The following NRP1 variants were observed in gnomAD, a reference collection of about 807,000 sequenced individuals.
The protein encoded by NRP1 is neuropilin 1, also known as neuropilin-1.
NRP1 carries 35 observed loss-of-function variants against 106.7 expected under a neutral mutation model. The observed-to-expected ratio is 0.33, with a 90% CI of 0.25 to 0.43. NRP1 has a LOEUF of 0.43. Among genes scored for constraint, NRP1 ranks in the 20% least tolerant of loss-of-function variants. NRP1 has a pLI of 1.00. For missense variants in NRP1, 1,024 were observed against 1,170.4 expected, an observed-to-expected ratio of 0.87 and a Z score of 1.83; for synonymous variants, 437 against 417.9, an observed-to-expected ratio of 1.05 and a Z score of -0.56.
intron 2 of NRP1, among the ~76,000 whole-genome samples, chr10:33,298,116 T>C (rs1727438499): frequency 6.6e-6 from 1 of 152,158 alleles, no homozygotes; most frequent in Admixed American, 6.5e-5. Flanking sequence ...TCTGGAAATA[T>C]TTTTTCAGTT....
intron 8 of NRP1, among the ~76,000 whole-genome samples, chr10:33,214,200 A>G (rs1415785962): frequency 6.6e-6 from 1 of 152,162 alleles, no homozygotes; most frequent in Admixed American, 6.5e-5. Context: ...AGGACCTCCC[A>G]GGGGAGGTGG....
chr10:33,332,076 T>C (rs1240696425), intron 1 of NRP1, among the ~76,000 whole-genome samples: 1 of 152,016 alleles, frequency 6.6e-6, no homozygotes, highest in Non-Finnish European at 1.5e-5. Context: ...CAAATGGAAA[T>C]GAAAGATGAA....
At chr10:33,208,843 A>G (rs937529807) in intron 9 of NRP1, among the ~76,000 whole-genome samples, 3 of 151,918 alleles carry the variant, frequency 2.0e-5, no homozygotes, top group Non-Finnish European at 4.4e-5. Context: ...CTTTCCACTG[A>G]AAAAAATCTC....
rs190246621 is a variant in NRP1 at position 33,215,242 on chromosome 10, C to G, written c.1283-1525G>C. ...CTCATCATTGCCTTTGCTCAAAACCCAGCTTAAGACTCATGAAGAGAACTT... is the reference window on the plus strand; with the variant it reads ...CTCATCATTGCCTTTGCTCAAAACCGAGCTTAAGACTCATGAAGAGAACTT... On this transcript the variant is annotated intron_variant, in intron 8 of 16. Coordinates refer to ENST00000374867, the MANE Select transcript of NRP1 (RefSeq NM_003873.7). Among the ~76,000 whole-genome samples, 8 of 152,158 alleles carry G rather than the reference C, an allele frequency of 5.3e-5. No homozygotes were observed. In the East Asian group the frequency reaches 1.5e-3, roughly 29 times the overall value.
At chr10:33,284,033 G>A (rs1262355229) in intron 2 of NRP1, among the ~76,000 whole-genome samples, 3 of 152,144 alleles carry the variant, frequency 2.0e-5, no homozygotes, top group African/African-American at 2.4e-5. Context: ...AAAGTAAAAC[G>A]TGGCATAAAG....
chr10:33,230,236 C>T (rs1840000687), intron 6 of NRP1, among the ~76,000 whole-genome samples: 1 of 152,170 alleles, frequency 6.6e-6, no homozygotes, highest in South Asian at 2.1e-4. Context: ...TAAAGTCCTG[C>T]TCAATAAGCA....
chr10:33,309,893 A>G (rs1198961231), intron 2 of NRP1, among the ~76,000 whole-genome samples: 1 of 151,038 alleles, frequency 6.6e-6, no homozygotes, highest in Non-Finnish European at 1.5e-5. Context: ...TCTACCTGCA[A>G]TGTTTAAAAG....
At position 33,334,530 on chromosome 10, in the gene NRP1, C is replaced by A; in HGVS notation, c.-148G>T. 1.5e-6 allele frequency: 1 copy of A among 648,726 alleles called. No homozygotes were observed. The highest frequency in any genetic ancestry group is 2.6e-6 in the Non-Finnish European group (1 of 388,070). The allele number at this position is 648,726 out of a possible 1,614,324, so 40.2% of individuals were successfully genotyped here. A position where few individuals can be genotyped will look rare whatever the true frequency, so the allele number is the denominator to read the frequency against. Reference sequence around the variant, plus strand: ...GCCCGTCTTGGAGAAAAGAAAGCAGCGAGGCAATGCCTGGATCCGAGAGGA... The same window carrying A: ...GCCCGTCTTGGAGAAAAGAAAGCAGAGAGGCAATGCCTGGATCCGAGAGGA... On this transcript the variant is annotated 5_prime_UTR_variant, in exon 1 of 17. Coordinates refer to ENST00000374867, the MANE Select transcript of NRP1 (RefSeq NM_003873.7).
rs1835530068 is a variant in NRP1 at position 33,179,190 on chromosome 10, G to A, written c.*886C>T. 1 of 152,672 alleles carries A rather than the reference G, an allele frequency of 6.5e-6. No homozygotes were observed. Among genetic ancestry groups the A allele is most frequent in the Non-Finnish European group, 1.5e-5 (1 of 68,052 alleles). The allele number at this position is 152,672 out of a possible 1,614,324, so 9.5% of individuals were successfully genotyped here. On this transcript the variant is annotated 3_prime_UTR_variant, in exon 17 of 17. Coordinates refer to ENST00000374867, the MANE Select transcript of NRP1 (RefSeq NM_003873.7). ...TCAGAGCCCTTGCCTGCCCGGAGGG[G>A]CTGGCATCTCACACGAAAATAAACT...
chr10:33,285,461 T>C (rs952937199), intron 2 of NRP1, among the ~76,000 whole-genome samples: 8 of 152,214 alleles, frequency 5.3e-5, no homozygotes, highest in Non-Finnish European at 1.0e-4. Context: ...TTCTAGGTGA[T>C]GATGAGAAAT....
chr10:33,331,870 T>C (rs971515887), intron 1 of NRP1, among the ~76,000 whole-genome samples: 6 of 152,174 alleles, frequency 3.9e-5, no homozygotes, highest in Non-Finnish European at 7.3e-5. Context: ...GCAATAAAAA[T>C]TCGGTGCATA....
chr10:33,219,740 G>T (rs1839077772), intron 8 of NRP1, among the ~76,000 whole-genome samples: 1 of 152,182 alleles, frequency 6.6e-6, no homozygotes, highest in Admixed American at 6.5e-5. Context: ...AAAAGGATGT[G>T]ACATAAATCT....
chr10:33,275,333 C>T (rs1253554902), intron 2 of NRP1, among the ~76,000 whole-genome samples: 6 of 152,154 alleles, frequency 3.9e-5, no homozygotes, highest in Non-Finnish European at 7.3e-5. Flanking sequence ...CTTTAGAAGG[C>T]GGAGGTGGGT....
intron 16 of NRP1, among the ~76,000 whole-genome samples, chr10:33,181,614 G>T (rs1167027775): frequency 6.6e-6 from 1 of 152,200 alleles, no homozygotes; most frequent in Non-Finnish European, 1.5e-5. Flanking sequence ...CTAATACCAG[G>T]CAAGGCCTAA....
intron 7 of NRP1, among the ~76,000 whole-genome samples, chr10:33,222,065 G>A (rs575175629): frequency 1.3e-5 from 2 of 152,148 alleles, no homozygotes; most frequent in East Asian, 1.9e-4. Flanking sequence ...CCTAATCATC[G>A]ATTCAATTTT....
intron 6 of NRP1, among the ~76,000 whole-genome samples, chr10:33,237,487 GCACA>G (rs111698441): frequency 0.028 from 4,100 of 144,782 alleles, 88 homozygotes; most frequent in Non-Finnish European, 0.037. Flanking sequence ...ACATGCGCGC[GCACA>G]CACACACACA....
intron 6 of NRP1, among the ~76,000 whole-genome samples, chr10:33,244,878 T>C (rs1338724415): frequency 6.6e-6 from 1 of 152,210 alleles, no homozygotes; most frequent in African/African-American, 2.4e-5. Flanking sequence ...CAATGATAAT[T>C]TGCAATTTTA....
At chr10:33,214,114 T>G (rs1457485456) in intron 8 of NRP1, among the ~76,000 whole-genome samples, 1 of 152,106 alleles carries the variant, frequency 6.6e-6, no homozygotes, top group Non-Finnish European at 1.5e-5. Flanking sequence ...GCAGGAAGGT[T>G]GCTAAAACAA....
chr10:33,208,276 C>A (rs1296322764), intron 9 of NRP1, among the ~76,000 whole-genome samples: 1 of 152,152 alleles, frequency 6.6e-6, no homozygotes, highest in Non-Finnish European at 1.5e-5. Flanking sequence ...TGGTCTCAAG[C>A]ACCTGGCTGC....
Sources: allele counts gnomAD v4.1 joint callset (sites outside exome capture counted in the v4.1 genomes callset), GRCh38; gene constraint gnomAD v4.1.1; transcripts MANE v1.5; gene names NCBI Gene and HGNC (gene_info 2026-07-23, HGNC 2026-07-21).